The following DOK6 variants were observed in gnomAD, a reference collection of about 807,000 sequenced individuals.
DOK6 encodes docking protein 6, also known as downstream of tyrosine kinase 6.
DOK6 carries 22 observed loss-of-function variants against 44.0 expected under a neutral mutation model. The observed-to-expected ratio is 0.50, with a 90% CI of 0.36 to 0.71. The LOEUF is 0.71. DOK6 is among the 30% of genes least tolerant of loss of function. The pLI is 0.00. For missense variants in DOK6, 340 were observed against 416.4 expected (o/e 0.82, Z 1.60); for synonymous variants, 166 against 145.5 (o/e 1.14, Z -1.01).
intron 1 of DOK6, among the ~76,000 whole-genome samples, chr18:69,524,146 T>C (rs1034561535): frequency 6.6e-6 from 1 of 152,052 alleles, no homozygotes; most frequent in African/African-American, 2.4e-5. Flanking sequence ...TTTGTGTTTA[T>C]TTTATGTTTG....
intron 3 of DOK6, among the ~76,000 whole-genome samples, chr18:69,643,051 C>T (rs1192871333): frequency 6.6e-6 from 1 of 152,112 alleles, no homozygotes; most frequent in Non-Finnish European, 1.5e-5. Flanking sequence ...GTTTCCCAAT[C>T]TTTGTATCAT....
Position 69,406,810 on chromosome 18 carries a change from G to A in DOK6, c.66+5500G>A, listed in dbSNP as rs111782042. On this transcript the variant is annotated intron_variant, in intron 1 of 7. Transcript: ENST00000382713. The stretch of plus-strand genomic sequence containing the variant: ...AAAAAATTAGTTTAGGCTGGGTGCG[G>A]TGGCTCACACCTGTAATCTCAACAT... Among the ~76,000 whole-genome samples the A allele has an allele frequency of 8.5e-3, 1,292 of 152,288 alleles. 17 individuals are homozygous for A. The highest frequency in any genetic ancestry group is 0.029 in the African/African-American group (1,212 of 41,548).
In DOK6 at chr18:69,487,354, G is replaced by A. The variant is rs181008927; in HGVS notation, c.67-77133G>A. Among the ~76,000 whole-genome samples the A allele has an allele frequency of 9.6e-4, 146 of 151,998 alleles. 2 individuals carry two copies. Among genetic ancestry groups the A allele is most frequent in the African/African-American group, 3.3e-3 (137 of 41,450 alleles). ...CAGTGGTCATAAATTAGGGATCAAA[G>A]ACTGAAAAGGGGCATTTCTAGATTT... On this transcript the variant is annotated intron_variant, in intron 1 of 7. Coordinates refer to ENST00000382713, the MANE Select transcript of DOK6 (RefSeq NM_152721.6).
chr18:69,718,172 T>A (rs1026361391), intron 5 of DOK6, among the ~76,000 whole-genome samples: 1 of 152,202 alleles, frequency 6.6e-6, no homozygotes, highest in African/African-American at 2.4e-5. Context: ...ATTCGCCTAT[T>A]CTTGCATTTG....
chr18:69,591,010 GT>G (rs1983609366), intron 2 of DOK6, among the ~76,000 whole-genome samples: 1 of 152,062 alleles, frequency 6.6e-6, no homozygotes, highest in African/African-American at 2.4e-5. Context: ...CACTGTTTTG[GT>G]GCATTTGCAA....
At chr18:69,503,653 T>A (rs1481979005) in intron 1 of DOK6, among the ~76,000 whole-genome samples, 1 of 152,050 alleles carries the variant, frequency 6.6e-6, no homozygotes, top group Non-Finnish European at 1.5e-5. Context: ...ATATATTATC[T>A]TTAAAAATAA....
At chr18:69,653,400 C>A (rs1328691251) in intron 3 of DOK6, among the ~76,000 whole-genome samples, 2 of 151,974 alleles carry the variant, frequency 1.3e-5, no homozygotes, top group African/African-American at 2.4e-5. Flanking sequence ...ACACAGAGAA[C>A]TGAGCCTGAT....
intron 1 of DOK6, among the ~76,000 whole-genome samples, chr18:69,551,282 C>T (rs999790235): frequency 1.3e-4 from 20 of 152,110 alleles, no homozygotes; most frequent in African/African-American, 4.1e-4. Flanking sequence ...TTTTAGGCAT[C>T]GTGAAGCTTG....
intron 2 of DOK6, among the ~76,000 whole-genome samples, chr18:69,573,774 G>T (rs1983174125): frequency 6.6e-6 from 1 of 151,760 alleles, no homozygotes. Context: ...CAATGATTCT[G>T]ATTTCTGTTT....
intron 1 of DOK6, among the ~76,000 whole-genome samples, chr18:69,562,367 G>A (rs1047898768): frequency 6.6e-6 from 1 of 151,996 alleles, no homozygotes; most frequent in Non-Finnish European, 1.5e-5. Flanking sequence ...ATTTCTGAGG[G>A]CTCTGTTCTG....
At chr18:69,492,266 A>G (rs1053486906) in intron 1 of DOK6, among the ~76,000 whole-genome samples, 2 of 152,220 alleles carry the variant, frequency 1.3e-5, no homozygotes, top group African/African-American at 2.4e-5. Context: ...GATATCATAC[A>G]CAATGTAAAA....
At chr18:69,663,976 T>G (rs1222517855) in intron 3 of DOK6, among the ~76,000 whole-genome samples, 2 of 152,196 alleles carry the variant, frequency 1.3e-5, no homozygotes, top group East Asian at 3.8e-4. Context: ...TTTATCTCAT[T>G]TCATAAGCCG....
chr18:69,810,602 A>C (rs1202238298), intron 7 of DOK6, among the ~76,000 whole-genome samples: 1 of 152,006 alleles, frequency 6.6e-6, no homozygotes, highest in Non-Finnish European at 1.5e-5. Context: ...TATATAAGGA[A>C]CTCAAACAAC....
chr18:69,506,950 ATATTGTAT>A (rs1981207276), intron 1 of DOK6, among the ~76,000 whole-genome samples: 1 of 151,972 alleles, frequency 6.6e-6, no homozygotes, highest in Non-Finnish European at 1.5e-5. Context: ...TTTTTGGATT[ATATTGTAT>A]TTCATTGATC....
intron 1 of DOK6, among the ~76,000 whole-genome samples, chr18:69,468,494 G>A (rs1245117458): frequency 6.6e-6 from 1 of 152,140 alleles, no homozygotes; most frequent in Non-Finnish European, 1.5e-5. Flanking sequence ...CTATACACCA[G>A]GTCCTCTGTG....
chr18:69,634,928 A>G (rs1458026184), intron 3 of DOK6, among the ~76,000 whole-genome samples: 3 of 152,040 alleles, frequency 2.0e-5, no homozygotes, highest in Non-Finnish European at 2.9e-5. Flanking sequence ...CTTTCGACCT[A>G]TGTGCTTAAT....
intron 2 of DOK6, among the ~76,000 whole-genome samples, chr18:69,568,095 G>A (rs1008336595): frequency 1.3e-5 from 2 of 152,126 alleles, no homozygotes; most frequent in South Asian, 4.1e-4. Flanking sequence ...CGTCTCTCTG[G>A]GCACAAGCCC....
At chr18:69,401,802 T>C (rs551182975) in intron 1 of DOK6, among the ~76,000 whole-genome samples, 3 of 152,176 alleles carry the variant, frequency 2.0e-5, no homozygotes, top group Admixed American at 6.5e-5. Flanking sequence ...CTGCCGGCTG[T>C]AGTTTAGGGC....
chr18:69,434,923 GA>G (rs1324110399), intron 1 of DOK6, among the ~76,000 whole-genome samples: 8 of 49,970 alleles, frequency 1.6e-4, no homozygotes, highest in African/African-American at 6.6e-4. Flanking sequence ...TCTGTCAAAA[GA>G]AAAAAGGGAG....
Sources: gnomAD v4.1 joint callset for allele counts (sites outside exome capture counted in the v4.1 genomes callset) on GRCh38, gnomAD v4.1.1 for gene constraint, MANE v1.5 for transcripts, NCBI Gene and HGNC (gene_info 2026-07-23, HGNC 2026-07-21) for gene names.